Variants in HSPA12A observed in about 807,000 individuals in gnomAD.
HSPA12A encodes heat shock protein family A (Hsp70) member 12A.
A neutral mutation model predicts 69.2 loss-of-function variants in HSPA12A; 28 were observed. The ratio of observed to expected loss-of-function variants is 0.40; its 90% CI spans 0.30 to 0.55. The LOEUF is 0.55. Ranked by LOEUF, HSPA12A falls within the 20% of genes least tolerant of loss-of-function variation. HSPA12A has a pLI of 0.38. For synonymous variants in HSPA12A, 345 were observed against 370.5 expected (o/e 0.93, Z 0.79); for missense variants, 686 against 900.7 (o/e 0.76, Z 3.05).
At chr10:116,794,441 A>G (rs929188198) in intron 2 of HSPA12A, among the ~76,000 whole-genome samples, 5 of 152,216 alleles carry the variant, frequency 3.3e-5, no homozygotes, top group Admixed American at 1.3e-4. Flanking sequence ...AGCAACTCCC[A>G]ACAAATTTCA....
At chr10:116,771,092 T>C (rs1844196787) in intron 2 of HSPA12A, among the ~76,000 whole-genome samples, 1 of 152,024 alleles carries the variant, frequency 6.6e-6, no homozygotes, top group African/African-American at 2.4e-5. Context: ...TTGCAAACCC[T>C]GGACTGTGGC....
At chr10:116,825,397 G>A (rs1382094493) in intron 2 of HSPA12A, among the ~76,000 whole-genome samples, 3 of 151,936 alleles carry the variant, frequency 2.0e-5, no homozygotes, top group African/African-American at 4.8e-5. Flanking sequence ...TGTAGTCTCA[G>A]CTACTTGGGA....
intron 1 of HSPA12A, among the ~76,000 whole-genome samples, chr10:116,713,011 T>TATATATATATATATATATATATA (rs1554883335): frequency 1.7e-3 from 223 of 130,918 alleles, no homozygotes; most frequent in Middle Eastern, 3.8e-3. Flanking sequence ...TATATATATA[T>TATATATATATATATATATATATA]TTGCATTTCT....
At chr10:116,738,361 C>T (rs1225000554) in intron 1 of HSPA12A, among the ~76,000 whole-genome samples, 1 of 152,028 alleles carries the variant, frequency 6.6e-6, no homozygotes, top group Non-Finnish European at 1.5e-5. Flanking sequence ...TATTGAACAC[C>T]TACTAGTGTC....
chr10:116,734,230 C>T (rs985661716), intron 1 of HSPA12A, among the ~76,000 whole-genome samples: 26 of 150,356 alleles, frequency 1.7e-4, no homozygotes, highest in African/African-American at 6.3e-4. Flanking sequence ...ACAGGCAGAT[C>T]ACCAAGACAG....
At chr10:116,792,992 G>A (rs1844732839) in intron 2 of HSPA12A, among the ~76,000 whole-genome samples, 1 of 152,146 alleles carries the variant, frequency 6.6e-6, no homozygotes, top group Admixed American at 6.5e-5. Context: ...TTTATTGGCA[G>A]GAATGGAAGT....
chr10:116,781,457 T>C (rs192308532), intron 2 of HSPA12A, among the ~76,000 whole-genome samples: 1 of 152,168 alleles, frequency 6.6e-6, no homozygotes, highest in Admixed American at 6.5e-5. Flanking sequence ...AGTTTACCCC[T>C]GGGGGAAGCA....
intron 1 of HSPA12A, among the ~76,000 whole-genome samples, chr10:116,842,676 C>T (rs1172616382): frequency 6.6e-6 from 1 of 152,136 alleles, no homozygotes; most frequent in Non-Finnish European, 1.5e-5. Context: ...AATCTCAGCT[C>T]ACTACAACCT....
At chr10:116,718,278 C>A (rs1850667135) in intron 1 of HSPA12A, among the ~76,000 whole-genome samples, 1 of 152,230 alleles carries the variant, frequency 6.6e-6, no homozygotes. Context: ...TGAGCAGAAT[C>A]TTTCACCTCC....
chr10:116,692,375 C>T lies in HSPA12A; in HGVS notation c.639G>A (p.Gln213=), dbSNP rs1335361360. 3 of 1,614,046 alleles carry T rather than the reference C, an allele frequency of 1.9e-6. No homozygotes were observed. The highest frequency in any genetic ancestry group is 1.7e-6 in the Non-Finnish European group (2 of 1,180,016). ...VPAIWKQPAK[Q]FMRQAAYQAG... is the part of the protein sequence containing the mutation. ...CCTGGTAGGCAGCTTGTCTCATGAA[C>T]TGCTTGGCCGGCTGCTTCCAGATGG... Residue 213 remains glutamine (Q), a synonymous_variant, in exon 6 of 12, where the codon CAG becomes CAA. Coordinates refer to ENST00000369209, the MANE Select transcript of HSPA12A (RefSeq NM_025015.3).
chr10:116,688,213 G>A (rs1252307024), intron 6 of HSPA12A, among the ~76,000 whole-genome samples: 1 of 152,160 alleles, frequency 6.6e-6, no homozygotes, highest in African/African-American at 2.4e-5. Flanking sequence ...GTGTTCAGGA[G>A]GTAGCTGCTG....
At chr10:116,769,577 T>G (rs1554890169) in intron 2 of HSPA12A, among the ~76,000 whole-genome samples, 2 of 152,190 alleles carry the variant, frequency 1.3e-5, no homozygotes, top group African/African-American at 4.8e-5. Flanking sequence ...CCCCCATCCC[T>G]TTCCCTGACA....
At chr10:116,737,740 T>C (rs1365818389) in intron 1 of HSPA12A, among the ~76,000 whole-genome samples, 1 of 152,298 alleles carries the variant, frequency 6.6e-6, no homozygotes, top group African/African-American at 2.4e-5. Context: ...CCGCAGGACA[T>C]CTGCGGCTGC....
intron 2 of HSPA12A, among the ~76,000 whole-genome samples, chr10:116,791,915 C>T (rs1057311088): frequency 3.3e-5 from 5 of 152,032 alleles, no homozygotes; most frequent in Admixed American, 2.0e-4. Context: ...CCAAGCTTAT[C>T]GATTAGCTGG....
intron 2 of HSPA12A, among the ~76,000 whole-genome samples, chr10:116,770,545 G>A (rs907781335): frequency 6.6e-6 from 1 of 152,216 alleles, no homozygotes; most frequent in African/African-American, 2.4e-5. Flanking sequence ...GGGGGCGGCA[G>A]GAAATGGACC....
chr10:116,813,657 T>A (rs180863074), intron 2 of HSPA12A, among the ~76,000 whole-genome samples: 1 of 152,084 alleles, frequency 6.6e-6, no homozygotes, highest in African/African-American at 2.4e-5. Flanking sequence ...GGCGGGAGGA[T>A]TGCTTGAGCC....
intron 2 of HSPA12A, among the ~76,000 whole-genome samples, chr10:116,798,429 T>C (rs1031585069): frequency 6.6e-6 from 1 of 152,222 alleles, no homozygotes; most frequent in African/African-American, 2.4e-5. Context: ...TAACCTCGCA[T>C]AACTTCACTT....
chr10:116,708,769 T>C (rs1554882770), intron 1 of HSPA12A, among the ~76,000 whole-genome samples: 1 of 152,136 alleles, frequency 6.6e-6, no homozygotes, highest in African/African-American at 2.4e-5. Flanking sequence ...ACAAAAGATA[T>C]ATCAACAAGT....
intron 1 of HSPA12A, among the ~76,000 whole-genome samples, chr10:116,732,328 C>CAAAG (rs3034012): frequency 0.43 from 52,999 of 124,108 alleles, 13,455 homozygotes; most frequent in South Asian, 0.61. Flanking sequence ...TCAAAAAAAA[C>CAAAG]AAAGAAAGAA....
Sources: gnomAD v4.1 joint callset for allele counts (sites outside exome capture counted in the v4.1 genomes callset) on GRCh38, gnomAD v4.1.1 for gene constraint, MANE v1.5 for transcripts, NCBI Gene and HGNC (gene_info 2026-07-23, HGNC 2026-07-21) for gene names.